The following SPTAN1 variants were observed in gnomAD, a reference collection of about 807,000 sequenced individuals.
SPTAN1 encodes spectrin alpha chain, non-erythrocytic 1.
A neutral mutation model predicts 331.3 loss-of-function variants in SPTAN1; 61 were observed. That is an observed-to-expected ratio of 0.18 (90% confidence interval 0.15 to 0.23). The LOEUF is 0.23. Ranked by LOEUF, SPTAN1 falls within the 10% of genes least tolerant of loss-of-function variation. SPTAN1 has a pLI of 1.00. For missense variants in SPTAN1, 2,043 were observed against 3,147.9 expected (o/e 0.65, Z 8.40); for synonymous variants, 1,153 against 1,173.9 (o/e 0.98, Z 0.36).
rs1241928817 is a variant in SPTAN1 at position 128,584,377 on chromosome 9, G to A, written c.2289G>A (p.Val763=). Residue 763 remains valine, a synonymous_variant, in exon 17 of 57, where the codon GTG becomes GTA. Transcript: ENST00000372739. ...TCAAGAAGAAACAGGAAGCCCTCGTGGCTCGCTATGAGGCACTCAAGGAGC... is the reference window on the plus strand; with the variant it reads ...TCAAGAAGAAACAGGAAGCCCTCGTAGCTCGCTATGAGGCACTCAAGGAGC... ...ENIKKKQEAL[V]ARYEALKEPM... is the part of the protein sequence containing the mutation. The A allele has an allele frequency of 1.2e-6, 2 of 1,614,050 alleles. No individual in the cohort carries two copies. Among genetic ancestry groups the A allele is most frequent in the Non-Finnish European group, 1.7e-6 (2 of 1,180,044 alleles).
chr9:128,570,767 C>T (rs537232075), intron 3 of SPTAN1, among the ~76,000 whole-genome samples: 1 of 152,110 alleles, frequency 6.6e-6, no homozygotes, highest in Admixed American at 6.6e-5. Flanking sequence ...AGTGATTCTC[C>T]TGCCTCAGCC....
At chr9:128,631,935 T>A in intron 52 of SPTAN1, 192 bp from the exon 53 acceptor site, 1 of 622,716 alleles carries the variant, frequency 1.6e-6, no homozygotes, top group East Asian at 2.8e-5. Flanking sequence ...ACATTGAAAG[T>A]CTCTCCCTCT....
intron 45 of SPTAN1, among the ~76,000 whole-genome samples, chr9:128,623,244 T>G (rs1858178087): frequency 6.6e-6 from 1 of 151,402 alleles, no homozygotes; most frequent in Non-Finnish European, 1.5e-5. Flanking sequence ...TTTTTCTTTT[T>G]TTTTTTTAAG....
At position 128,582,499 on chromosome 9, in the gene SPTAN1, C is replaced by G. The variant is rs1057520489; in HGVS notation, c.1593C>G (p.Thr531=). ...EKITALDEFA[T]KLIQNNHYAM... ...CCTAGGCATTAGATGAATTTGCAACCAAGCTAATTCAGAACAACCACTATG... is the reference window on the plus strand; with the variant it reads ...CCTAGGCATTAGATGAATTTGCAACGAAGCTAATTCAGAACAACCACTATG... Residue 531 remains threonine (T), a synonymous_variant, in exon 13 of 57, where the codon ACC becomes ACG. Transcript: ENST00000372739. The G allele has an allele frequency of 6.2e-7, 1 of 1,613,994 alleles. No homozygotes were observed. Among genetic ancestry groups the G allele is most frequent in the African/African-American group, 1.3e-5 (1 of 74,900 alleles).
intron 9 of SPTAN1, among the ~76,000 whole-genome samples, chr9:128,578,838 A>G (rs1488720705): frequency 1.1e-5 from 1 of 92,468 alleles, no homozygotes; most frequent in Non-Finnish European, 1.8e-5. Context: ...TCTCAAAGAA[A>G]AAAAAAAAAA....
intron 5 of SPTAN1, 84 bp from the exon 6 acceptor site, chr9:128,576,739 T>C: frequency 6.4e-7 from 1 of 1,566,778 alleles, no homozygotes; most frequent in Non-Finnish European, 8.7e-7. Context: ...TTTGCTGAGA[T>C]GCTTCAAGGA....
rs1490762385 is a variant in SPTAN1, at chr9:128,577,547, T to C, written c.1085+41T>C. 1.2e-6 allele frequency: 2 copies of C among 1,611,768 alleles called. No homozygotes were observed. Among genetic ancestry groups the C allele is most frequent in the Non-Finnish European group, 1.7e-6 (2 of 1,179,944 alleles). Reference sequence around the variant, plus strand: ...CAGGTCTTAACCAGTATCATTTGGCTTCTTTTTTGGAAGCAGGAATAGCAG... The same window carrying C: ...CAGGTCTTAACCAGTATCATTTGGCCTCTTTTTTGGAAGCAGGAATAGCAG... On this transcript the variant is annotated intron_variant, in intron 8 of 56. Transcript: ENST00000372739. The surrounding 1 kb of genome is among the most constrained non-coding windows in gnomAD (Gnocchi z 4.2).
chr9:128,603,560 T>A lies in SPTAN1; in HGVS notation c.3597T>A (p.Val1199=). The change falls in exon 28 of 57, where the codon GTT becomes GTA. Residue 1199 remains valine, a synonymous_variant. Coordinates refer to ENST00000372739, the MANE Select transcript of SPTAN1 (RefSeq NM_001130438.3). ...ASPWKSARLM[V]HTVATFNSIK... is the part of the protein sequence containing the mutation. ...CTACCTAGTCTGCTCGTCTGATGGT[T>A]CACACCGTGGCCACCTTTAATTCCA... The A allele has an allele frequency of 6.2e-7, 1 of 1,614,226 alleles. No individual in the cohort carries two copies. The highest frequency in any genetic ancestry group is 8.5e-7 in the Non-Finnish European group (1 of 1,180,036).
chr9:128,624,716 A>G (rs752435451), intron 46 of SPTAN1: 12 of 593,118 alleles, frequency 2.0e-5, no homozygotes, highest in Non-Finnish European at 3.3e-5. Flanking sequence ...AAAGCCTGTA[A>G]ACGCTGCTGC....
At chr9:128,575,805 G>A (rs2130986664) in intron 5 of SPTAN1, among the ~76,000 whole-genome samples, 1 of 152,250 alleles carries the variant, frequency 6.6e-6, no homozygotes, top group East Asian at 1.9e-4. Flanking sequence ...TGGCGCTGGA[G>A]CCCATTAAGA....
At chr9:128,593,279 T>G (rs1175832271) in intron 23 of SPTAN1, 1 of 590,728 alleles carries the variant, frequency 1.7e-6, no homozygotes, top group Non-Finnish European at 3.1e-6. Context: ...CAGAGTGGTG[T>G]TGGTTCTCCC....
rs1447348464 is a variant in SPTAN1 at position 128,601,611 on chromosome 9, C to G, written c.3579+1496C>G. On this transcript the variant is annotated intron_variant, in intron 27 of 56. Coordinates refer to ENST00000372739, the MANE Select transcript of SPTAN1 (RefSeq NM_001130438.3). ...AAGAAGAAAAAAAGTAGGCCTTCTC[C>G]TCATTAGTACAGTGGTGAGTTTGAC... Among the ~76,000 whole-genome samples, 5 of 152,016 alleles carry G rather than the reference C, an allele frequency of 3.3e-5. No homozygotes were observed. In the East Asian group the frequency reaches 9.6e-4, roughly 29 times the overall value.
chr9:128,599,724 T>G, intron 26 of SPTAN1: 1 of 221,238 alleles, frequency 4.5e-6, no homozygotes, highest in Non-Finnish European at 8.9e-6. Flanking sequence ...GTCTCTTCAG[T>G]TTTCTAAAAC....
At chr9:128,612,839 C>T (rs1003341179) in intron 39 of SPTAN1, among the ~76,000 whole-genome samples, 3 of 152,008 alleles carry the variant, frequency 2.0e-5, no homozygotes, top group African/African-American at 4.8e-5. Context: ...GCAGGAGAAT[C>T]GCTTGAACCT....
At chr9:128,560,020 C>CCACCCT (rs1849113348) in intron 1 of SPTAN1, among the ~76,000 whole-genome samples, 1 of 151,964 alleles carries the variant, frequency 6.6e-6, no homozygotes, top group South Asian at 2.1e-4. Context: ...CAGGTGTGAG[C>CCACCCT]CACCCTGCCT....
At chr9:128,556,404 T>G (rs895018001) in intron 1 of SPTAN1, among the ~76,000 whole-genome samples, 1 of 152,148 alleles carries the variant, frequency 6.6e-6, no homozygotes, top group Non-Finnish European at 1.5e-5. Flanking sequence ...TTTTTATAAA[T>G]CAGATGAGTT....
chr9:128,630,752 G>A (rs1002493611), intron 52 of SPTAN1: 2 of 277,220 alleles, frequency 7.2e-6, no homozygotes, highest in Admixed American at 9.4e-5. Context: ...TGCCCAGGCT[G>A]GAGTGCAATG....
intron 56 of SPTAN1, 87 bp from the exon 57 acceptor site, chr9:128,633,122 G>A (rs572014219): frequency 2.1e-4 from 344 of 1,605,410 alleles, no homozygotes; most frequent in African/African-American, 1.4e-3. Flanking sequence ...AAGCAGCTCC[G>A]AGCCCCCAGC....
chr9:128,609,086 AT>A, intron 35 of SPTAN1, 35 bp from the exon 36 acceptor site: 1 of 1,614,198 alleles, frequency 6.2e-7, no homozygotes, highest in Non-Finnish European at 8.5e-7. Context: ...ACGGTAAGAT[AT>A]GCTCATGTTG....
Sources: gnomAD v4.1 joint callset for allele counts (sites outside exome capture counted in the v4.1 genomes callset) on GRCh38, gnomAD v4.1.1 for gene constraint, Gnocchi (gnomAD v3.1) non-coding constraint, MANE v1.5 for transcripts, NCBI Gene and HGNC (gene_info 2026-07-23, HGNC 2026-07-21) for gene names.